NCKAP5: variants seen among roughly 807,000 people sequenced by gnomAD.
NCKAP5 encodes NCK associated protein 5.
A neutral mutation model predicts 167.0 loss-of-function variants in NCKAP5; 92 were observed. That is an observed-to-expected ratio of 0.55 (90% CI 0.47 to 0.66). The LOEUF (loss-of-function observed/expected upper bound fraction) is 0.66, where lower values mean the gene tolerates loss of function less well. Among genes scored for constraint, NCKAP5 ranks in the 30% least tolerant of loss-of-function variants. The probability of loss-of-function intolerance (pLI) is 0.00; values close to 1 mark genes in which losing one functional copy is unlikely to be tolerated. For missense variants in NCKAP5, 2,378 were observed against 2,315.0 expected (o/e 1.03, Z -0.56); for synonymous variants, 891 against 877.4 (o/e 1.02, Z -0.27).
chr2:132,722,054 A>T lies in NCKAP5; in HGVS notation c.5713+3573T>A, dbSNP rs556393161. ...GGGACTCACTTCATTTTGCAGAAGGATTTAAAAACAACTTCAAGCAGTAAA... is the reference window on the plus strand; with the variant it reads ...GGGACTCACTTCATTTTGCAGAAGGTTTTAAAAACAACTTCAAGCAGTAAA... On this transcript the variant is annotated intron_variant, in intron 19 of 19. Coordinates refer to ENST00000409261, the MANE Select transcript of NCKAP5 (RefSeq NM_207363.3). Among the ~76,000 whole-genome samples the T allele has an allele frequency of 2.0e-5, 3 of 152,326 alleles. No individual in the cohort carries two copies. In the East Asian group the frequency reaches 5.8e-4, roughly 29 times the overall value.
intron 5 of NCKAP5, among the ~76,000 whole-genome samples, chr2:133,206,207 G>A (rs2085945130): frequency 6.6e-6 from 1 of 151,994 alleles, no homozygotes; most frequent in African/African-American, 2.4e-5. Context: ...TCAATTTAAG[G>A]AAATTTCCAT....
chr2:133,065,522 G>C (rs1409606426), intron 6 of NCKAP5, among the ~76,000 whole-genome samples: 1 of 152,232 alleles, frequency 6.6e-6, no homozygotes, highest in African/African-American at 2.4e-5. Flanking sequence ...CTACTTGGGA[G>C]GCTGAGGCAG....
At chr2:133,384,803 T>G (rs1368404888) in intron 3 of NCKAP5, among the ~76,000 whole-genome samples, 1 of 152,232 alleles carries the variant, frequency 6.6e-6, no homozygotes, top group East Asian at 1.9e-4. Context: ...TTTTATTCTC[T>G]TTGAAGCAAT....
intron 12 of NCKAP5, among the ~76,000 whole-genome samples, chr2:132,794,968 C>T (rs1316675062): frequency 1.3e-5 from 2 of 152,138 alleles, no homozygotes; most frequent in African/African-American, 2.4e-5. Flanking sequence ...ATTAAGAGAA[C>T]TGAAGGGGGC....
intron 11 of NCKAP5, among the ~76,000 whole-genome samples, chr2:132,833,111 T>C (rs757765371): frequency 1.6e-4 from 25 of 152,180 alleles, no homozygotes; most frequent in South Asian, 4.1e-4. Flanking sequence ...TTTGCACTTC[T>C]CTGATGATGT....
chr2:132,780,980 C>G, intron 15 of NCKAP5, 72 bp downstream of exon 15: 1 of 1,460,348 alleles, frequency 6.8e-7, no homozygotes, highest in Non-Finnish European at 9.2e-7. Context: ...TTTTCATTAG[C>G]AAACGGTAGA....
chr2:133,574,006 G>A, the NCKAP5 span, among the ~76,000 whole-genome samples: 1 of 152,170 alleles, frequency 6.6e-6, no homozygotes, highest in Non-Finnish European at 1.5e-5. Context: ...TGTGGAAACT[G>A]AGAGTGCAAT....
intron 19 of NCKAP5, among the ~76,000 whole-genome samples, chr2:132,716,599 G>T (rs1243075177): frequency 6.6e-6 from 1 of 151,960 alleles, no homozygotes; most frequent in Non-Finnish European, 1.5e-5. Context: ...CTGGGGGTTC[G>T]GTGGTAATGG....
the NCKAP5 span, among the ~76,000 whole-genome samples, chr2:133,588,584 G>A: frequency 3.6e-3 from 547 of 152,048 alleles, 1 homozygote; most frequent in Non-Finnish European, 5.6e-3. Flanking sequence ...CACTCTTTAA[G>A]CATTAGAATT....
At chr2:133,493,180 C>T (rs1681619397) in intron 3 of NCKAP5, among the ~76,000 whole-genome samples, 1 of 152,178 alleles carries the variant, frequency 6.6e-6, no homozygotes, top group Non-Finnish European at 1.5e-5. Context: ...TTATGCAATT[C>T]TAAATGTACT....
chr2:133,469,056 A>G (rs1692831995), intron 3 of NCKAP5, among the ~76,000 whole-genome samples: 1 of 151,310 alleles, frequency 6.6e-6, no homozygotes, highest in Admixed American at 6.6e-5. Flanking sequence ...TGTCATTATG[A>G]TGTTAGCTGG....
At position 132,673,271 on chromosome 2, in the gene NCKAP5, G is replaced by A; in HGVS notation, c.*18C>T. The A allele has an allele frequency of 6.6e-7, 1 of 1,504,328 alleles. No homozygotes were observed. Among genetic ancestry groups the A allele is most frequent in the Non-Finnish European group, 8.9e-7 (1 of 1,126,014 alleles). The allele number at this position is 1,504,328 out of a possible 1,614,324, so 93.2% of individuals were successfully genotyped here. A position where few individuals can be genotyped will look rare whatever the true frequency, so the allele number is the denominator to read the frequency against. On this transcript the variant is annotated 3_prime_UTR_variant, in exon 20 of 20. Transcript: ENST00000409261. ...GGAAATTTTCGATAATCTATTCTCGGGATCGTCTTTTGTTTCTTCAAGTTG... is the reference window on the plus strand; with the variant it reads ...GGAAATTTTCGATAATCTATTCTCGAGATCGTCTTTTGTTTCTTCAAGTTG...
intron 11 of NCKAP5, among the ~76,000 whole-genome samples, chr2:132,854,838 A>G (rs1689338885): frequency 6.6e-6 from 1 of 152,178 alleles, no homozygotes; most frequent in African/African-American, 2.4e-5. Flanking sequence ...GGGCAGGAGT[A>G]GAGTAGCATT....
chr2:133,066,518 C>A (rs2080201462), intron 6 of NCKAP5, among the ~76,000 whole-genome samples: 1 of 152,162 alleles, frequency 6.6e-6, no homozygotes, highest in Non-Finnish European at 1.5e-5. Flanking sequence ...TACATGCATT[C>A]TTTCTCTCCC....
At chr2:133,626,257 ATG>A in the NCKAP5 span, among the ~76,000 whole-genome samples, 1 of 152,182 alleles carries the variant, frequency 6.6e-6, no homozygotes, top group East Asian at 1.9e-4. Context: ...TCTGATGGAA[ATG>A]TGTAATATCA....
intron 6 of NCKAP5, among the ~76,000 whole-genome samples, chr2:133,019,807 C>T (rs921562314): frequency 1.1e-4 from 17 of 152,314 alleles, no homozygotes; most frequent in African/African-American, 3.8e-4. Context: ...AATTTAACTT[C>T]CTCTGAGACA....
intron 6 of NCKAP5, among the ~76,000 whole-genome samples, chr2:133,066,246 T>C (rs1201012929): frequency 6.6e-6 from 1 of 152,266 alleles, no homozygotes; most frequent in African/African-American, 2.4e-5. Flanking sequence ...TTAAAAATTA[T>C]GATTCATGTT....
intron 16 of NCKAP5, among the ~76,000 whole-genome samples, chr2:132,754,239 T>A (rs556027360): frequency 5.3e-5 from 8 of 152,342 alleles, no homozygotes; most frequent in East Asian, 3.9e-4. Context: ...ACTTCCCCTA[T>A]CGATCTTTCC....
chr2:132,804,641 C>T (rs1685292007), intron 11 of NCKAP5, among the ~76,000 whole-genome samples: 2 of 152,146 alleles, frequency 1.3e-5, no homozygotes, highest in African/African-American at 4.8e-5. Context: ...ATTCAATGTA[C>T]CACTTATTAG....
Sources: allele counts gnomAD v4.1 joint callset (sites outside exome capture counted in the v4.1 genomes callset), GRCh38; gene constraint gnomAD v4.1.1; transcripts MANE v1.5; gene names NCBI Gene and HGNC (gene_info 2026-07-23, HGNC 2026-07-21).